The following IGSF8 variants were observed in gnomAD, a reference collection of about 807,000 sequenced individuals.
The protein encoded by IGSF8 is immunoglobulin superfamily member 8, also known as CD81 partner 3.
In IGSF8, 46 loss-of-function variants were observed where a neutral mutation model predicts 55.5. That is an observed-to-expected ratio of 0.83 (90% CI 0.65 to 1.06). The LOEUF is 1.06. Ranked by LOEUF, IGSF8 falls within the 50% of genes least tolerant of loss-of-function variation. The probability of loss-of-function intolerance (pLI) is 0.00; values close to 1 mark genes in which losing one functional copy is unlikely to be tolerated. For missense variants in IGSF8, 731 were observed against 832.3 expected (o/e 0.88, Z 1.50); for synonymous variants, 314 against 356.1 (o/e 0.88, Z 1.33).
chr1:160,093,241 A>G lies in IGSF8; in HGVS notation c.995T>C (p.Leu332Pro). ...TGCAGCATGACGGCCTGCTGGGGGA[A>G]GTGCCCCTGACACATTGCACAGCAG... ...LELLCNVSGA[L>P]PPAGRHAAYS... Residue 332 changes from leucine to proline, a missense_variant, in exon 4 of 7, where the codon CTT (leucine) becomes CCT (proline). By Grantham distance (98) the Leu-to-Pro change is moderately conservative. Transcript: ENST00000314485. The G allele has an allele frequency of 6.2e-7, 1 of 1,614,064 alleles. No individual in the cohort carries two copies. The highest frequency in any genetic ancestry group is 8.5e-7 in the Non-Finnish European group (1 of 1,179,954).
At position 160,093,956 on chromosome 1, in the gene IGSF8, C is replaced by A. The variant is rs1022725746; in HGVS notation, c.658G>T (p.Val220Leu). 3.1e-6 allele frequency: 5 copies of A among 1,614,282 alleles called. No homozygotes were observed. Among genetic ancestry groups the A allele is most frequent in the Non-Finnish European group, 4.2e-6 (5 of 1,180,050 alleles). The change falls in exon 3 of 7, where the codon GTG becomes TTG. Residue 220 changes from valine (V) to leucine (L), a missense_variant. By Grantham distance (32) the Val-to-Leu change is conservative. Coordinates refer to ENST00000314485, the MANE Select transcript of IGSF8 (RefSeq NM_052868.6). ...ACGGCCAAGTCTGACCGGATTCCCA[C>A]CACTTCCTGCAGAGTTGACCGCCCA... is the stretch of plus-strand genomic sequence containing the variant. ...PVGRSTLQEV[V>L]GIRSDLAVEA... is the part of the protein sequence containing the mutation.
rs553872689 is a variant in IGSF8 at position 160,093,986 on chromosome 1, G to A, written c.628C>T (p.Pro210Ser). 61 of 1,614,266 alleles carry A rather than the reference G, an allele frequency of 3.8e-5. No individual in the cohort carries two copies. The South Asian group carries it at 6.1e-4, about 16-fold the overall frequency. ...VSFGRSVPEA[P>S]VGRSTLQEVV... Reference sequence around the variant, plus strand: ...TCCTGCAGAGTTGACCGCCCAACTGGTGCCTCGGGCACAGATCGCCCAAAG... The same window carrying A: ...TCCTGCAGAGTTGACCGCCCAACTGATGCCTCGGGCACAGATCGCCCAAAG... The change falls in exon 3 of 7, where the codon CCA (proline) becomes TCA (serine). Residue 210 changes from proline (P) to serine (S), a missense_variant. Pro to Ser is a moderately conservative substitution (Grantham distance 74). Transcript: ENST00000314485.
intron 6 of IGSF8, 52 bp from the exon 7 acceptor site, chr1:160,091,660 C>T (rs1649960703): frequency 1.6e-6 from 1 of 627,632 alleles, no homozygotes; most frequent in Non-Finnish European, 2.9e-6. Flanking sequence ...GAGTGGGGCT[C>T]CCTCGCGGCC....
chr1:160,094,160 C>T lies in IGSF8; in HGVS notation c.454G>A (p.Val152Ile), dbSNP rs774577558. Reference sequence around the variant, plus strand: ...GGGGGGGCAGCAGACACCTGGAGGACATCTGGAAGAACTGGAGAGAACAGC... The same window carrying T: ...GGGGGGGCAGCAGACACCTGGAGGATATCTGGAAGAACTGGAGAGAACAGC... ...GKVELRVLPD[V>I]LQVSAAPPGP... Residue 152 changes from valine (V) to isoleucine (I), a missense_variant, in exon 3 of 7, where the codon GTC becomes ATC. Val to Ile is a conservative substitution (Grantham distance 29, BLOSUM62 3). Transcript: ENST00000314485. The surrounding 1 kb of genome is among the most constrained non-coding windows in gnomAD (Gnocchi z 4.0). 24 of 1,596,910 alleles carry T rather than the reference C, an allele frequency of 1.5e-5. 1 individual carries two copies. The South Asian group carries it at 2.7e-4, about 18-fold the overall frequency.
rs763077173 is a variant in IGSF8, at chr1:160,094,023, G to A, written c.591C>T (p.His197=). 1.2e-6 allele frequency: 2 copies of A among 1,614,068 alleles called. No individual in the cohort carries two copies. Among genetic ancestry groups the A allele is most frequent in the Non-Finnish European group, 1.7e-6 (2 of 1,180,060 alleles). Reference sequence around the variant, plus strand: ...CAGATCGCCCAAAGGACACTGCCAGGTGTGTGTGCTTCTGTGTGCTTGTCC... The same window carrying A: ...CAGATCGCCCAAAGGACACTGCCAGATGTGTGTGCTTCTGTGTGCTTGTCC... ...LARTSTQKHT[H]LAVSFGRSVP... Residue 197 remains histidine (H), a synonymous_variant, in exon 3 of 7, where the codon CAC becomes CAT. Transcript: ENST00000314485. The surrounding 1 kb of genome is among the most constrained non-coding windows in gnomAD (Gnocchi z 4.0).
At chr1:160,098,271 C>G in intron 1 of IGSF8, 138 bp downstream of exon 1, 1 of 1,282,252 alleles carries the variant, frequency 7.8e-7, no homozygotes, top group East Asian at 2.6e-5. Flanking sequence ...CCACAAAGCG[C>G]AGCTGGACGC....
At chr1:160,091,666 C>T (rs571482285) in intron 6 of IGSF8, 58 bp from the exon 7 acceptor site, 58 of 635,958 alleles carry the variant, frequency 9.1e-5, no homozygotes, top group East Asian at 4.6e-4. Context: ...GGCTCCCTCG[C>T]GGCCTCCACC....
At chr1:160,098,021 G>GTGCCT in intron 1 of IGSF8, 1 of 979,836 alleles carries the variant, frequency 1.0e-6, no homozygotes, top group Non-Finnish European at 1.2e-6. Flanking sequence ...AAGCTGGGCA[G>GTGCCT]GCACTGCCCT....
At position 160,091,501 on chromosome 1, in the gene IGSF8, A is replaced by C; in HGVS notation, c.*123T>G. The C allele has an allele frequency of 1.9e-5, 6 of 309,524 alleles. No homozygotes were observed. The highest frequency in any genetic ancestry group is 3.7e-5 in the Non-Finnish European group (6 of 162,416). 19.2% of individuals were successfully genotyped at this position (309,524 alleles called of 1,614,324 possible). A position where few individuals can be genotyped will look rare whatever the true frequency, so the allele number is the denominator to read the frequency against. ...GGGAGGCACGTCTCCCATTCTGGGT[A>C]GTGGGAGGTCAAATAAATTAAAGGA... On this transcript the variant is annotated 3_prime_UTR_variant, in exon 7 of 7. Coordinates refer to ENST00000314485, the MANE Select transcript of IGSF8 (RefSeq NM_052868.6).
At chr1:160,097,715 A>T (rs896299602) in intron 1 of IGSF8, 39 of 985,198 alleles carry the variant, frequency 4.0e-5, no homozygotes, top group Non-Finnish European at 3.9e-5. Context: ...CACCCACCAC[A>T]GCAGGCACAA....
In IGSF8 at chr1:160,094,335, G is replaced by A. The variant is rs1205992858; in HGVS notation, c.443-164C>T. ...CTCAGTGGTGCCAAGGGCAGTACTG[G>A]GCACAGCACAGGCGCTCAATAAATA... is the stretch of plus-strand genomic sequence containing the variant. On this transcript the variant is annotated intron_variant, in intron 2 of 6. Coordinates refer to ENST00000314485, the MANE Select transcript of IGSF8 (RefSeq NM_052868.6). The surrounding 1 kb of genome is among the most constrained non-coding windows in gnomAD (Gnocchi z 4.0). 6.6e-6 allele frequency among the ~76,000 whole-genome samples: 1 copy of A among 152,174 alleles called. No individual in the cohort carries two copies. Among genetic ancestry groups the A allele is most frequent in the Non-Finnish European group, 1.5e-5 (1 of 68,032 alleles).
intron 6 of IGSF8, 57 bp from the exon 7 acceptor site, chr1:160,091,665 G>A (rs1022957219): frequency 2.8e-5 from 18 of 633,754 alleles, no homozygotes; most frequent in Admixed American, 1.9e-4. Flanking sequence ...GGGCTCCCTC[G>A]CGGCCTCCAC....
rs1234364133 is a variant in IGSF8 at position 160,094,925 on chromosome 1, G to A, written c.386C>T (p.Thr129Ile). The stretch of plus-strand genomic sequence containing the variant: ...CAGGTAGCGGGTATCAGTGGAGGGG[G>A]TGTGGCACTCATAAATGCCGGCATC... The part of the protein sequence containing the change: ...AQDAGIYECH[T>I]PSTDTRYLGS... The change falls in exon 2 of 7, where the codon ACC becomes ATC. Residue 129 changes from threonine to isoleucine, a missense_variant. By Grantham distance (89) the Thr-to-Ile change is moderately conservative. Transcript: ENST00000314485. This position sits in a 1 kb window ranked among gnomAD's most constrained non-coding sequence, Gnocchi z 4.0. The A allele has an allele frequency of 5.0e-6, 8 of 1,613,958 alleles. No homozygotes were observed. Among genetic ancestry groups the A allele is most frequent in the Non-Finnish European group, 6.8e-6 (8 of 1,180,024 alleles).
rs745418654 is a variant in IGSF8, at chr1:160,095,053, G to A, written c.258C>T (p.Phe86=). The A allele has an allele frequency of 4.1e-5, 66 of 1,614,058 alleles. No individual in the cohort carries two copies. In the Middle Eastern group the frequency reaches 8.2e-4, roughly 20 times the overall value. The change falls in exon 2 of 7, where the codon TTC becomes TTT. Residue 86 remains phenylalanine (F), a synonymous_variant. Transcript: ENST00000314485. ...LGIVSTKDTQ[F]SYAVFKSRVV... ...CTCGGGACTTGAAGACAGCATAGGA[G>A]AACTGGGTATCCTTGGTACTGACAA...
In IGSF8 at chr1:160,094,910, G is replaced by A. The variant is rs757751259; in HGVS notation, c.401C>T (p.Thr134Ile). 1.2e-6 allele frequency: 2 copies of A among 1,613,840 alleles called. No individual in the cohort carries two copies. Among genetic ancestry groups the A allele is most frequent in the African/African-American group, 2.7e-5 (2 of 74,854 alleles). Residue 134 changes from threonine to isoleucine, a missense_variant, in exon 2 of 7, where the codon ACC (threonine) becomes ATC (isoleucine). Physicochemically the swap from Thr to Ile is moderately conservative, Grantham distance 89. Transcript: ENST00000314485. The surrounding 1 kb of genome is among the most constrained non-coding windows in gnomAD (Gnocchi z 4.0). ...GCCGCTGTAGCTGCCCAGGTAGCGG[G>A]TATCAGTGGAGGGGGTGTGGCACTC... ...IYECHTPSTDTRYLGSYSGKV... is the reference protein window; with the variant it reads ...IYECHTPSTDIRYLGSYSGKV...
intron 4 of IGSF8, 47 bp downstream of exon 4, chr1:160,092,877 G>C (rs764640963): frequency 1.3e-6 from 2 of 1,552,468 alleles, no homozygotes; most frequent in Admixed American, 1.8e-5. Context: ...AGAAGGAAAA[G>C]GGGTTGACAA....
rs1650079399 is a variant in IGSF8 at position 160,092,799 on chromosome 1, C to A, written c.1313-104G>T. On this transcript the variant is annotated intron_variant, in intron 4 of 6. Transcript: ENST00000314485. ...AGGAAACTCAGGGTATTCCCACAAT[C>A]TTGGTAGAAGAGGAGCGTGAGGCTG... 3 of 1,504,934 alleles carry A rather than the reference C, an allele frequency of 2.0e-6. No homozygotes were observed. In the African/African-American group the frequency reaches 4.1e-5, roughly 21 times the overall value. The allele number at this position is 1,504,934 out of a possible 1,614,324, so 93.2% of individuals were successfully genotyped here. A position where few individuals can be genotyped will look rare whatever the true frequency, so the allele number is the denominator to read the frequency against.
chr1:160,096,016 A>G (rs1354823070), intron 1 of IGSF8, among the ~76,000 whole-genome samples: 1 of 152,228 alleles, frequency 6.6e-6, no homozygotes, highest in African/African-American at 2.4e-5. Flanking sequence ...CTTCATTTGC[A>G]CATGGTATGC....
Position 160,092,916 on chromosome 1 carries a change from C to T in IGSF8, c.1312+8G>A, listed in dbSNP as rs370301435. 1.9e-6 allele frequency: 3 copies of T among 1,588,466 alleles called. No individual in the cohort carries two copies. In the African/African-American group the frequency reaches 4.0e-5, roughly 21 times the overall value. ...TCGAACCCCGTCCAGGGCCCAGCCCCCTCTCACCTTCCTCCCGCACATGTA... is the reference window on the plus strand; with the variant it reads ...TCGAACCCCGTCCAGGGCCCAGCCCTCTCTCACCTTCCTCCCGCACATGTA... On this transcript the variant is annotated splice_region_variant and intron_variant, in intron 4 of 6. Coordinates refer to ENST00000314485, the MANE Select transcript of IGSF8 (RefSeq NM_052868.6).
Sources: gnomAD v4.1 joint callset for allele counts (sites outside exome capture counted in the v4.1 genomes callset) on GRCh38, gnomAD v4.1.1 for gene constraint, Gnocchi (gnomAD v3.1) non-coding constraint, MANE v1.5 for transcripts, NCBI Gene and HGNC (gene_info 2026-07-23, HGNC 2026-07-21) for gene names.